OSBPL1A: variants seen among roughly 807,000 people sequenced by gnomAD.
OSBPL1A encodes the protein oxysterol binding protein like 1A.
A neutral mutation model predicts 137.1 loss-of-function variants in OSBPL1A; 80 were observed. The observed-to-expected ratio is 0.58, with a 90% CI of 0.49 to 0.70. The LOEUF is 0.70. OSBPL1A is among the 30% of genes least tolerant of loss of function. The pLI is 0.00. For synonymous variants in OSBPL1A, 365 were observed against 389.7 expected, an observed-to-expected ratio of 0.94 and a Z score of 0.75; for missense variants, 970 against 1,129.4, an observed-to-expected ratio of 0.86 and a Z score of 2.02.
chr18:24,255,688 C>T (rs1007684956), intron 15 of OSBPL1A, among the ~76,000 whole-genome samples: 39 of 152,212 alleles, frequency 2.6e-4, no homozygotes, highest in African/African-American at 8.7e-4. Context: ...GTGCTCTGAC[C>T]ACCTTCAGAC....
At chr18:24,213,572 A>G (rs1226093679) in intron 17 of OSBPL1A, among the ~76,000 whole-genome samples, 3 of 152,086 alleles carry the variant, frequency 2.0e-5, no homozygotes, top group Admixed American at 1.3e-4. Flanking sequence ...TCTCAAAATG[A>G]TAATAATAAT....
rs2088032277 is a variant in OSBPL1A at position 24,225,158 on chromosome 18, C to T, written c.1485G>A (p.Val495=). ...CTTCCTCTTCAAAGGAGCGTGCTGT[C>T]ACTGCTTCCAATCTACTCAGGGACC... The part of the protein sequence containing the change: ...SERSLSRLEA[V]TARSFEEEGE... The change falls in exon 17 of 28, where the codon GTG becomes GTA. Residue 495 remains valine (V), a synonymous_variant. Transcript: ENST00000319481. 5.0e-6 allele frequency: 8 copies of T among 1,614,130 alleles called. No individual in the cohort carries two copies. Among genetic ancestry groups the T allele is most frequent in the Non-Finnish European group, 5.9e-6 (7 of 1,180,006 alleles).
At chr18:24,175,123 T>C (rs1258765652) in intron 21 of OSBPL1A, among the ~76,000 whole-genome samples, 5 of 130,948 alleles carry the variant, frequency 3.8e-5, no homozygotes, top group African/African-American at 1.4e-4. Context: ...TATATATATA[T>C]ATATATATAT....
At chr18:24,175,132 A>G (rs1272455213) in intron 21 of OSBPL1A, among the ~76,000 whole-genome samples, 2 of 126,622 alleles carry the variant, frequency 1.6e-5, no homozygotes, top group Admixed American at 7.8e-5. Context: ...ATATATATAT[A>G]TATACACATA....
At chr18:24,391,875 T>C (rs975912165) in intron 1 of OSBPL1A, among the ~76,000 whole-genome samples, 3 of 152,162 alleles carry the variant, frequency 2.0e-5, no homozygotes, top group Admixed American at 1.3e-4. Flanking sequence ...TTTTTCTTTT[T>C]TTTTGAGACA....
intron 17 of OSBPL1A, among the ~76,000 whole-genome samples, chr18:24,197,659 A>G (rs1379830624): frequency 6.6e-6 from 1 of 152,088 alleles, no homozygotes; most frequent in Non-Finnish European, 1.5e-5. Context: ...AAGACTATCA[A>G]TCTCTGTGAC....
chr18:24,348,645 G>A (rs938958338), intron 4 of OSBPL1A, among the ~76,000 whole-genome samples: 7 of 151,704 alleles, frequency 4.6e-5, no homozygotes, highest in East Asian at 1.9e-4. Context: ...ATGGTGATGC[G>A]CACCTATAAT....
chr18:24,205,187 C>T (rs1230418592), intron 17 of OSBPL1A, among the ~76,000 whole-genome samples: 1 of 152,148 alleles, frequency 6.6e-6, no homozygotes, highest in Non-Finnish European at 1.5e-5. Flanking sequence ...TCTTTAACTC[C>T]ACAGCCGTCA....
At chr18:24,343,443 AACG>A (rs1237024210) in intron 4 of OSBPL1A, among the ~76,000 whole-genome samples, 2 of 152,292 alleles carry the variant, frequency 1.3e-5, no homozygotes, top group East Asian at 3.9e-4. Flanking sequence ...ATCAAATACT[AACG>A]ACATTTTTAC....
chr18:24,173,069 T>C (rs2086330240), intron 21 of OSBPL1A, among the ~76,000 whole-genome samples: 1 of 152,148 alleles, frequency 6.6e-6, no homozygotes, highest in Admixed American at 6.5e-5. Context: ...TATGAAGCCA[T>C]AAAAAAGAAC....
intron 4 of OSBPL1A, 180 bp downstream of exon 4, chr18:24,366,712 G>C: frequency 2.0e-6 from 1 of 511,844 alleles, no homozygotes; most frequent in Non-Finnish European, 3.4e-6. Flanking sequence ...CATGACCTTA[G>C]TACTGGACCT....
At position 24,393,138 on chromosome 18, in the gene OSBPL1A, AT is replaced by A. The variant is rs1907481795; in HGVS notation, c.-3+4516del. On this transcript the variant is annotated intron_variant, in intron 1 of 27. Coordinates refer to ENST00000319481, the MANE Select transcript of OSBPL1A (RefSeq NM_080597.4). ...CTCTAACTATGATTAGTTGCTAGCA[AT>A]CAGTAATTTCTCTGATGCAATCATA... Among the ~76,000 whole-genome samples, 5 of 152,380 alleles carry A rather than the reference AT, an allele frequency of 3.3e-5. No homozygotes were observed. In the South Asian group the frequency reaches 6.2e-4, roughly 19 times the overall value.
At chr18:24,280,016 G>A (rs894220242) in intron 15 of OSBPL1A, among the ~76,000 whole-genome samples, 3 of 151,926 alleles carry the variant, frequency 2.0e-5, no homozygotes, top group East Asian at 1.9e-4. Context: ...GTGCAATATC[G>A]GCTTACTGCA....
At chr18:24,366,650 C>T (rs981284952) in intron 4 of OSBPL1A, 5 of 375,046 alleles carry the variant, frequency 1.3e-5, no homozygotes, top group Admixed American at 9.1e-5. Context: ...CTGGAGTACA[C>T]AAGCAGAAAC....
intron 14 of OSBPL1A, 96 bp from the exon 15 acceptor site, chr18:24,281,044 T>C (rs955707401): frequency 1.2e-5 from 8 of 695,374 alleles, no homozygotes; most frequent in Non-Finnish European, 1.8e-5. Context: ...TAACCTCATC[T>C]TTCCATCTAG....
intron 15 of OSBPL1A, among the ~76,000 whole-genome samples, chr18:24,261,820 C>T (rs2089451169): frequency 6.6e-6 from 1 of 152,108 alleles, no homozygotes; most frequent in Admixed American, 6.6e-5. Context: ...CCACTGCACT[C>T]CAGCCTGGGC....
intron 1 of OSBPL1A, among the ~76,000 whole-genome samples, chr18:24,397,120 A>G (rs1340238244): frequency 1.3e-5 from 2 of 152,200 alleles, no homozygotes; most frequent in Non-Finnish European, 2.9e-5. Context: ...GGGCAGCGGG[A>G]TAAGTGAATT....
intron 16 of OSBPL1A, among the ~76,000 whole-genome samples, chr18:24,234,119 T>C (rs1336326854): frequency 6.6e-6 from 1 of 152,204 alleles, no homozygotes; most frequent in Non-Finnish European, 1.5e-5. Context: ...ACAACACTGA[T>C]AGGGTAGAAA....
At chr18:24,298,693 T>C (rs1389978628) in intron 14 of OSBPL1A, among the ~76,000 whole-genome samples, 2 of 152,218 alleles carry the variant, frequency 1.3e-5, no homozygotes, top group Non-Finnish European at 2.9e-5. Flanking sequence ...TCTTAGGGTC[T>C]GGATTGGGAC....
Sources: gnomAD v4.1 joint callset for allele counts (sites outside exome capture counted in the v4.1 genomes callset) on GRCh38, gnomAD v4.1.1 for gene constraint, MANE v1.5 for transcripts, NCBI Gene and HGNC (gene_info 2026-07-23, HGNC 2026-07-21) for gene names.